The following CFAP54 variants were observed in gnomAD, a reference collection of about 807,000 sequenced individuals.
The protein encoded by CFAP54 is cilia- and flagella-associated protein 54.
Under a neutral mutation model 370.4 loss-of-function variants are expected in CFAP54, and 290 were observed. That is an observed-to-expected ratio of 0.78 (90% CI 0.71 to 0.86). CFAP54 has a LOEUF of 0.86. Ranked by LOEUF, CFAP54 falls within the 40% of genes least tolerant of loss-of-function variation. The pLI, the probability that CFAP54 is intolerant of heterozygous loss-of-function variation, is 0.00. For synonymous variants in CFAP54, 1,206 were observed against 1,236.5 expected (o/e 0.98, Z 0.52); for missense variants, 3,399 against 3,528.7 (o/e 0.96, Z 0.93).
At chr12:96,649,409 A>G (rs1470172096) in intron 34 of CFAP54, among the ~76,000 whole-genome samples, 1 of 152,034 alleles carries the variant, frequency 6.6e-6, no homozygotes, top group Admixed American at 6.6e-5. Flanking sequence ...TATCTAATGC[A>G]GGGTTCTAAG....
chr12:96,774,297 TTATTTC>T (rs951324989), intron 60 of CFAP54, among the ~76,000 whole-genome samples: 1 of 146,450 alleles, frequency 6.8e-6, no homozygotes, highest in Non-Finnish European at 1.5e-5. Context: ...AAGAAGTTAT[TTATTTC>T]TATATAGTAG....
intron 60 of CFAP54, 147 bp downstream of exon 60, chr12:96,765,365 G>A: frequency 7.1e-6 from 4 of 565,498 alleles, no homozygotes; most frequent in Non-Finnish European, 1.1e-5. Flanking sequence ...GGGGTCCTAG[G>A]GCCAAAATAG....
intron 62 of CFAP54, among the ~76,000 whole-genome samples, chr12:96,790,022 A>G (rs1445671196): frequency 6.6e-6 from 1 of 152,182 alleles, no homozygotes; most frequent in Non-Finnish European, 1.5e-5. Context: ...TTTCCCCCAC[A>G]AAGAAGTAGA....
intron 17 of CFAP54, among the ~76,000 whole-genome samples, chr12:96,556,098 A>C (rs1486221975): frequency 6.6e-6 from 1 of 152,052 alleles, no homozygotes; most frequent in Non-Finnish European, 1.5e-5. Context: ...ATACACAAAA[A>C]TATCTTCCAG....
intron 26 of CFAP54, among the ~76,000 whole-genome samples, chr12:96,619,893 T>A (rs1956466317): frequency 6.6e-6 from 1 of 152,218 alleles, no homozygotes; most frequent in African/African-American, 2.4e-5. Flanking sequence ...TTGCATGACC[T>A]AACCCTACCT....
At chr12:96,792,758 T>A (rs1055064443) in intron 63 of CFAP54, among the ~76,000 whole-genome samples, 4 of 151,900 alleles carry the variant, frequency 2.6e-5, no homozygotes, top group Non-Finnish European at 5.9e-5. Flanking sequence ...GATGCTTAAC[T>A]TTTTTTTGGT....
At chr12:96,726,070 T>C (rs201224200) in intron 50 of CFAP54, among the ~76,000 whole-genome samples, 36,425 of 135,608 alleles carry the variant, frequency 0.27, 4,671 homozygotes, top group Middle Eastern at 0.34. Flanking sequence ...CTGCTGGATT[T>C]GGTTTGCCAG....
chr12:96,523,132 A>T (rs1308343099), intron 8 of CFAP54, among the ~76,000 whole-genome samples: 1 of 152,064 alleles, frequency 6.6e-6, no homozygotes, highest in Non-Finnish European at 1.5e-5. Context: ...GCGAGCTTCC[A>T]TGTAGAGATT....
Position 96,688,988 on chromosome 12 carries a change from ACT to A in CFAP54, c.6081+9_6081+10del, listed in dbSNP as rs1259813736. 1.3e-6 allele frequency: 2 copies of A among 1,530,760 alleles called. No homozygotes were observed. Among genetic ancestry groups the A allele is most frequent in the South Asian group, 1.3e-5 (1 of 78,902 alleles). The allele number at this position is 1,530,760 out of a possible 1,614,324, so 94.8% of individuals were successfully genotyped here. A position where few individuals can be genotyped will look rare whatever the true frequency, so the allele number is the denominator to read the frequency against. On this transcript the variant is annotated splice_region_variant and intron_variant, in intron 43 of 67. Coordinates refer to ENST00000524981, the MANE Select transcript of CFAP54 (RefSeq NM_001306084.2). ...TGTCTGCGTTACTCTTTCAGGTAAC[ACT>A]CTATGTATGTATGTTTTTCCATTGT...
chr12:96,535,053 T>TGTGTGTGTGTG (rs5800253), intron 11 of CFAP54, among the ~76,000 whole-genome samples: 1 of 142,230 alleles, frequency 7.0e-6, no homozygotes, highest in African/African-American at 2.8e-5. Context: ...TGTGTGTGTG[T>TGTGTGTGTGTG]TTATTTATTT....
chr12:96,651,894 GT>G (rs11314540), intron 36 of CFAP54, 79 bp downstream of exon 36: 295,873 of 685,258 alleles, frequency 0.43, 52,260 homozygotes, highest in Admixed American at 0.56. Context: ...AGTAGAAACT[GT>G]TTTTTTTTTT....
chr12:96,779,536 G>A (rs1310852359), intron 60 of CFAP54, among the ~76,000 whole-genome samples: 2 of 150,754 alleles, frequency 1.3e-5, no homozygotes, highest in Non-Finnish European at 2.9e-5. Context: ...CTGGTCATAA[G>A]ACATGCATGG....
rs1163697990 is a variant in CFAP54, at chr12:96,513,053, T to G, written c.798+9T>G. ...TAGGTCAGTCTTCCAAGGTATGAAA[T>G]GTACTGACAAAATATTTTCCCCTCT... On this transcript the variant is annotated intron_variant, in intron 5 of 67. Transcript: ENST00000524981. 36 of 1,468,160 alleles carry G rather than the reference T, an allele frequency of 2.5e-5. No individual in the cohort carries two copies. Among genetic ancestry groups the G allele is most frequent in the Non-Finnish European group, 3.1e-5 (34 of 1,106,552 alleles). 90.9% of individuals were successfully genotyped at this position (1,468,160 alleles called of 1,614,324 possible).
intron 42 of CFAP54, among the ~76,000 whole-genome samples, chr12:96,687,497 CAG>C (rs1482067776): frequency 9.9e-5 from 15 of 152,162 alleles, no homozygotes. Flanking sequence ...TCTCCAGTTA[CAG>C]TTACCTCTTT....
intron 65 of CFAP54, among the ~76,000 whole-genome samples, chr12:96,825,841 A>G (rs1959094349): frequency 7.4e-6 from 1 of 134,666 alleles, no homozygotes; most frequent in Admixed American, 8.0e-5. Flanking sequence ...TATATAATAT[A>G]ATTTATAATA....
intron 32 of CFAP54, among the ~76,000 whole-genome samples, chr12:96,641,363 C>A (rs1385490846): frequency 1.3e-5 from 2 of 152,154 alleles, no homozygotes; most frequent in East Asian, 3.8e-4. Context: ...AAATGCAAAT[C>A]AAAACCACAA....
At chr12:96,774,526 T>C (rs553001855) in intron 60 of CFAP54, among the ~76,000 whole-genome samples, 2 of 152,256 alleles carry the variant, frequency 1.3e-5, no homozygotes, top group African/African-American at 4.8e-5. Flanking sequence ...ATACATTTTT[T>C]AAATTTTTGT....
intron 32 of CFAP54, among the ~76,000 whole-genome samples, chr12:96,631,127 T>C (rs1277547847): frequency 6.6e-6 from 1 of 152,008 alleles, no homozygotes; most frequent in East Asian, 1.9e-4. Context: ...ATTTTGATTT[T>C]AATTTACACC....
intron 64 of CFAP54, among the ~76,000 whole-genome samples, chr12:96,817,339 T>A (rs145442520): frequency 1.1e-4 from 17 of 152,296 alleles, no homozygotes; most frequent in Middle Eastern, 6.8e-3. Context: ...ACTGAATGAA[T>A]GATGCTTGGC....
Sources: gnomAD v4.1 joint callset for allele counts (sites outside exome capture counted in the v4.1 genomes callset) on GRCh38, gnomAD v4.1.1 for gene constraint, MANE v1.5 for transcripts, NCBI Gene and HGNC (gene_info 2026-07-23, HGNC 2026-07-21) for gene names.